The following RNF145 variants were observed in gnomAD, a reference collection of about 807,000 sequenced individuals.
The protein encoded by RNF145 is ring finger protein 145.
In RNF145, 12 loss-of-function variants were observed where a neutral mutation model predicts 57.3. The observed-to-expected ratio is 0.21, with a 90% CI of 0.13 to 0.34. The LOEUF is 0.34. Among genes scored for constraint, RNF145 ranks in the 10% least tolerant of loss-of-function variants. The pLI, the probability that RNF145 is intolerant of heterozygous loss-of-function variation, is 1.00. For missense variants in RNF145, 429 were observed against 799.0 expected (o/e 0.54, Z 5.58); for synonymous variants, 262 against 288.3 (o/e 0.91, Z 0.92).
chr5:159,197,941 G>C (rs1785513402), intron 2 of RNF145, among the ~76,000 whole-genome samples: 1 of 151,964 alleles, frequency 6.6e-6, no homozygotes, highest in African/African-American at 2.4e-5. Context: ...GCATGACCCT[G>C]TCTCTATAAA....
chr5:159,197,024 A>G (rs886458655), intron 2 of RNF145, among the ~76,000 whole-genome samples: 1 of 152,244 alleles, frequency 6.6e-6, no homozygotes, highest in Non-Finnish European at 1.5e-5. Flanking sequence ...ACCCACTTGC[A>G]TTCCTAGACA....
chr5:159,197,607 C>T (rs1332607746), intron 2 of RNF145, among the ~76,000 whole-genome samples: 1 of 152,140 alleles, frequency 6.6e-6, no homozygotes, highest in African/African-American at 2.4e-5. Context: ...ATCTGAACTA[C>T]GATGTATATA....
At chr5:159,172,251 G>A (rs1784583713) in intron 6 of RNF145, among the ~76,000 whole-genome samples, 1 of 151,422 alleles carries the variant, frequency 6.6e-6, no homozygotes, top group South Asian at 2.1e-4. Context: ...AGGACTTTGA[G>A]AGGCTGAGGT....
At chr5:159,163,585 G>A (rs934909284) in intron 8 of RNF145, among the ~76,000 whole-genome samples, 1 of 152,166 alleles carries the variant, frequency 6.6e-6, no homozygotes, top group Non-Finnish European at 1.5e-5. Flanking sequence ...CAGGGTAAGT[G>A]GGAGACATGA....
chr5:159,168,788 T>C (rs1784461091), intron 8 of RNF145, 85 bp downstream of exon 8: 2 of 888,452 alleles, frequency 2.3e-6, no homozygotes, highest in Admixed American at 6.3e-5. Context: ...TTTCTGTCTC[T>C]AAATATTCCC....
intron 1 of RNF145, among the ~76,000 whole-genome samples, chr5:159,205,924 C>G (rs1785864890): frequency 1.3e-5 from 2 of 152,072 alleles, no homozygotes; most frequent in Admixed American, 6.5e-5. Flanking sequence ...AAAATTTAAA[C>G]TAAACAAATA....
intron 3 of RNF145, among the ~76,000 whole-genome samples, chr5:159,193,768 G>A (rs1785362610): frequency 6.6e-6 from 1 of 152,060 alleles, no homozygotes. Context: ...ATGTAAAAAT[G>A]CTACTTCTAA....
chr5:159,162,405 A>G (rs1004982842), intron 9 of RNF145, among the ~76,000 whole-genome samples: 1 of 150,344 alleles, frequency 6.7e-6, no homozygotes, highest in African/African-American at 2.5e-5. Context: ...AGTGACATCA[A>G]TAGGTTTATG....
intron 2 of RNF145, among the ~76,000 whole-genome samples, chr5:159,199,151 A>G (rs1046033626): frequency 6.6e-6 from 1 of 152,224 alleles, no homozygotes; most frequent in Admixed American, 6.5e-5. Flanking sequence ...TTGCTATGGT[A>G]GAGATGTGAA....
At position 159,158,757 on chromosome 5, in the gene RNF145, T is replaced by A; in HGVS notation, c.1905A>T (p.Arg635Ser). 1 of 1,613,984 alleles carries A rather than the reference T, an allele frequency of 6.2e-7. No individual in the cohort carries two copies. The highest frequency in any genetic ancestry group is 1.3e-5 in the African/African-American group (1 of 75,042). ...GSRDNNEYIARRPDNQEGAFD... is the reference protein window; with the variant it reads ...GSRDNNEYIASRPDNQEGAFD... ...AAGCCCCTTCCTGGTTATCTGGTCG[T>A]CTGGCAATGTACTCATTATTGTCCC... Residue 635 changes from arginine (R) to serine (S), a missense_variant, in exon 11 of 11, where the codon AGA becomes AGT. Around this residue, in one of 4 missense-constraint regions of RNF145, gnomAD observed 102 missense variants for 106.2 expected, o/e 0.96. Transcript: ENST00000424310.
chr5:159,161,295 G>A lies in RNF145; in HGVS notation c.1597C>T (p.His533Tyr). Residue 533 changes from histidine to tyrosine, a missense_variant, in exon 10 of 11, where the codon CAC (histidine) becomes TAC (tyrosine). His to Tyr is a moderately conservative substitution (Grantham distance 83). Transcript: ENST00000424310. The stretch of plus-strand genomic sequence containing the variant: ...TAACAGATGGCACAAATATCATTGT[G>A]TTTCTCAAGCTGCTCTTTCGTAGCA... ...PIATKEQLEK[H>Y]NDICAICYQD... is the part of the protein sequence containing the mutation. The A allele has an allele frequency of 6.2e-7, 1 of 1,612,218 alleles. No individual in the cohort carries two copies. Among genetic ancestry groups the A allele is most frequent in the Non-Finnish European group, 8.5e-7 (1 of 1,178,556 alleles).
intron 8 of RNF145, among the ~76,000 whole-genome samples, chr5:159,168,192 T>C (rs1033243355): frequency 2.6e-4 from 39 of 152,212 alleles, no homozygotes; most frequent in African/African-American, 8.9e-4. Flanking sequence ...TTAATCATTA[T>C]ACAATGTATA....
At chr5:159,187,143 G>A (rs1235776084) in intron 3 of RNF145, among the ~76,000 whole-genome samples, 5 of 150,056 alleles carry the variant, frequency 3.3e-5, no homozygotes, top group African/African-American at 4.9e-5. Flanking sequence ...TTAGCCAGGC[G>A]TGGTGGTGGG....
chr5:159,198,329 A>C (rs1785532816), intron 2 of RNF145, among the ~76,000 whole-genome samples: 1 of 152,198 alleles, frequency 6.6e-6, no homozygotes, highest in Non-Finnish European at 1.5e-5. Flanking sequence ...AAAATAAAAA[A>C]TAAATCAAAA....
chr5:159,175,425 C>T (rs774507982), intron 5 of RNF145, among the ~76,000 whole-genome samples: 7 of 152,012 alleles, frequency 4.6e-5, no homozygotes, highest in Admixed American at 1.3e-4. Context: ...ACCAACTAAA[C>T]ATGACATTAA....
chr5:159,188,198 T>C (rs551474910), intron 3 of RNF145, among the ~76,000 whole-genome samples: 432 of 151,718 alleles, frequency 2.8e-3, no homozygotes, highest in African/African-American at 1.0e-2. Context: ...CTGGCTAACA[T>C]GGTGAAACCC....
At chr5:159,180,773 T>C (rs936452690) in intron 4 of RNF145, among the ~76,000 whole-genome samples, 1 of 152,140 alleles carries the variant, frequency 6.6e-6, no homozygotes, top group Non-Finnish European at 1.5e-5. Context: ...GTACCAAGTC[T>C]TCAAAATTGA....
chr5:159,166,230 G>A (rs187177441), intron 8 of RNF145, among the ~76,000 whole-genome samples: 4 of 152,132 alleles, frequency 2.6e-5, no homozygotes, highest in Non-Finnish European at 5.9e-5. Context: ...TTTCCTAAAT[G>A]CCTCATCAAG....
chr5:159,208,002 A>G, intron 1 of RNF145: 5 of 1,545,978 alleles, frequency 3.2e-6, no homozygotes, highest in Non-Finnish European at 4.3e-6. Context: ...AAATAAAAAG[A>G]CACACAGTCC....
Sources: gnomAD v4.1 joint callset for allele counts (sites outside exome capture counted in the v4.1 genomes callset) on GRCh38, gnomAD v4.1.1 for gene constraint, gnomAD v4.1.1 regional missense constraint, MANE v1.5 for transcripts, NCBI Gene and HGNC (gene_info 2026-07-23, HGNC 2026-07-21) for gene names.